HDHD5: variants seen among roughly 807,000 people sequenced by gnomAD.
The protein encoded by HDHD5 is haloacid dehalogenase like hydrolase domain containing 5, also known as haloacid dehalogenase-like hydrolase domain-containing 5.
Under a neutral mutation model 35.5 loss-of-function variants are expected in HDHD5, and 34 were observed. The observed-to-expected ratio is 0.96, with a 90% CI of 0.73 to 1.28. HDHD5 has a LOEUF of 1.28. Ranked by LOEUF, HDHD5 falls within the 50% of genes most tolerant of loss-of-function variation. The pLI is 0.00. For missense variants in HDHD5, 589 were observed against 560.2 expected (o/e 1.05, Z -0.52); for synonymous variants, 248 against 240.6 (o/e 1.03, Z -0.29).
chr22:17,146,383 CGGCCTTCG>C (rs2061662920), intron 3 of HDHD5, among the ~76,000 whole-genome samples: 2 of 142,616 alleles, frequency 1.4e-5, no homozygotes, highest in African/African-American at 5.3e-5. Flanking sequence ...GTGAGCTTAC[CGGCCTTCG>C]ATCACACGCC....
At chr22:17,148,819 C>T (rs557103791) in intron 2 of HDHD5, among the ~76,000 whole-genome samples, 21 of 152,312 alleles carry the variant, frequency 1.4e-4, no homozygotes, top group African/African-American at 4.6e-4. Context: ...CTTGCCACCG[C>T]TACCCCGTCA....
At chr22:17,161,229 G>C (rs1002101704), upstream of HDHD5, among the ~76,000 whole-genome samples, 26 of 133,058 alleles carry the variant, frequency 2.0e-4, no homozygotes, top group African/African-American at 7.2e-4. Flanking sequence ...CTGGGCAACA[G>C]AGTGAGACTC....
chr22:17,155,462 G>C (rs1271068321), intron 1 of HDHD5, among the ~76,000 whole-genome samples: 1 of 152,026 alleles, frequency 6.6e-6, no homozygotes, highest in Non-Finnish European at 1.5e-5. Flanking sequence ...GGCCAGGCTG[G>C]TCTCAAACTC....
chr22:17,148,733 G>T (rs1168607541), intron 2 of HDHD5, among the ~76,000 whole-genome samples, 173 bp from the exon 3 acceptor site: 1 of 152,190 alleles, frequency 6.6e-6, no homozygotes, highest in East Asian at 1.9e-4. Flanking sequence ...CACCCAAACA[G>T]ATCTGAGAAG....
At chr22:17,148,623 G>A in intron 2 of HDHD5, 63 bp from the exon 3 acceptor site, 1 of 1,266,294 alleles carries the variant, frequency 7.9e-7, no homozygotes. Flanking sequence ...GAAATAATGA[G>A]ACAGGTGGCA....
At chr22:17,140,107 C>A (rs1433055043) in intron 6 of HDHD5, among the ~76,000 whole-genome samples, 1 of 152,208 alleles carries the variant, frequency 6.6e-6, no homozygotes, top group African/African-American at 2.4e-5. Flanking sequence ...CTCTCTGGGA[C>A]TACTGAGACG....
At chr22:17,164,135 C>T (rs551293809), upstream of HDHD5, among the ~76,000 whole-genome samples, 9 of 150,060 alleles carry the variant, frequency 6.0e-5, no homozygotes, top group South Asian at 1.7e-3. Context: ...GCTGGGGAAT[C>T]GCTTGAATCC....
chr22:17,164,077 T>TG (rs2061878116), upstream of HDHD5, among the ~76,000 whole-genome samples: 1 of 152,142 alleles, frequency 6.6e-6, no homozygotes, highest in Non-Finnish European at 1.5e-5. Flanking sequence ...GAAAATTAGC[T>TG]GGGCATGGTG....
chr22:17,153,491 C>A (rs116468385), intron 1 of HDHD5, among the ~76,000 whole-genome samples: 2,213 of 152,274 alleles, frequency 0.015, 50 homozygotes, highest in African/African-American at 0.05. Flanking sequence ...CACTCATGTA[C>A]CCTCAAGGAT....
chr22:17,157,074 T>TCACACACACACACACACA (rs1388907001), intron 1 of HDHD5, among the ~76,000 whole-genome samples: 7 of 52,778 alleles, frequency 1.3e-4, no homozygotes, highest in African/African-American at 1.9e-4. Context: ...CTAGACACCG[T>TCACACACACACACACACA]CTCACACACA....
chr22:17,141,356 G>A (rs2061599799), intron 5 of HDHD5, 123 bp from the exon 6 acceptor site: 2 of 1,430,418 alleles, frequency 1.4e-6, no homozygotes, highest in Admixed American at 3.5e-5. Flanking sequence ...GCTGGGCAGG[G>A]GCACAGCTCC....
chr22:17,151,456 G>A (rs2061723644), intron 1 of HDHD5, among the ~76,000 whole-genome samples: 2 of 152,218 alleles, frequency 1.3e-5, no homozygotes, highest in African/African-American at 4.8e-5. Flanking sequence ...CAGGCCAGGT[G>A]TGGTGGCTCA....
At chr22:17,144,713 C>A (rs1174277185) in intron 4 of HDHD5, among the ~76,000 whole-genome samples, 1 of 151,790 alleles carries the variant, frequency 6.6e-6, no homozygotes, top group Non-Finnish European at 1.5e-5. Flanking sequence ...CATGCCTGGA[C>A]AATTTTTTAA....
At chr22:17,151,969 T>C (rs1223485207) in intron 1 of HDHD5, among the ~76,000 whole-genome samples, 1 of 152,152 alleles carries the variant, frequency 6.6e-6, no homozygotes, top group Non-Finnish European at 1.5e-5. Context: ...ATGAAAGTGT[T>C]AAATACATCC....
In HDHD5 at chr22:17,137,644, T is replaced by TA; in HGVS notation, c.*376_*377insT. 1 of 196,224 alleles carries TA rather than the reference T, an allele frequency of 5.1e-6. No individual in the cohort carries two copies. The highest frequency in any genetic ancestry group is 1.0e-5 in the Non-Finnish European group (1 of 96,920). 12.2% of individuals were successfully genotyped at this position (196,224 alleles called of 1,614,324 possible). On this transcript the variant is annotated 3_prime_UTR_variant, in exon 8 of 8. Coordinates refer to ENST00000336737, the MANE Select transcript of HDHD5 (RefSeq NM_033070.3). ...TAAGACACTCTGCCGACAGGCTGCATGCCTTCAGTGCCGGCAAAGGCTCTG... is the reference window on the plus strand; with the variant it reads ...TAAGACACTCTGCCGACAGGCTGCATAGCCTTCAGTGCCGGCAAAGGCTCTG...
chr22:17,159,393 A>C (rs531655799), upstream of HDHD5: 5 of 957,638 alleles, frequency 5.2e-6, no homozygotes, highest in East Asian at 6.2e-5. Context: ...TCGGGCGCCT[A>C]TGGAACTCGA....
intron 1 of HDHD5, among the ~76,000 whole-genome samples, chr22:17,158,122 A>G (rs1221094673): frequency 6.6e-6 from 1 of 152,164 alleles, no homozygotes; most frequent in Non-Finnish European, 1.5e-5. Context: ...AAAGTTCGAG[A>G]CCAGCCTGGC....
At position 17,137,579 on chromosome 22, in the gene HDHD5, G is replaced by A. The variant is rs2061548184; in HGVS notation, c.*442C>T. 1 of 156,898 alleles carries A rather than the reference G, an allele frequency of 6.4e-6. No homozygotes were observed. The highest frequency in any genetic ancestry group is 3.3e-3 in the Middle Eastern group (1 of 302). 9.7% of individuals were successfully genotyped at this position (156,898 alleles called of 1,614,324 possible). A position where few individuals can be genotyped will look rare whatever the true frequency, so the allele number is the denominator to read the frequency against. On this transcript the variant is annotated 3_prime_UTR_variant, in exon 8 of 8. Coordinates refer to ENST00000336737, the MANE Select transcript of HDHD5 (RefSeq NM_033070.3). Reference sequence around the variant, plus strand: ...TTAAAAAAAAAGCCCCACATCTCCGGGCAATAAACTACAATACAGTAAAAA... The same window carrying A: ...TTAAAAAAAAAGCCCCACATCTCCGAGCAATAAACTACAATACAGTAAAAA...
chr22:17,159,263 C>T lies in HDHD5; in HGVS notation c.-12G>A. The T allele has an allele frequency of 3.2e-6, 4 of 1,243,934 alleles. No individual in the cohort carries two copies. Among genetic ancestry groups the T allele is most frequent in the Non-Finnish European group, 4.0e-6 (4 of 992,082 alleles). The allele number at this position is 1,243,934 out of a possible 1,614,324, so 77.1% of individuals were successfully genotyped here. ...CCCCACGCAGCCATCCGGCCGTCGC[C>T]GTGCGCACGTGCACGGCGTGCGGCC... On this transcript the variant is annotated 5_prime_UTR_variant, in exon 1 of 8. Coordinates refer to ENST00000336737, the MANE Select transcript of HDHD5 (RefSeq NM_033070.3).
Sources: allele counts gnomAD v4.1 joint callset (sites outside exome capture counted in the v4.1 genomes callset), GRCh38; gene constraint gnomAD v4.1.1; transcripts MANE v1.5; gene names NCBI Gene and HGNC (gene_info 2026-07-23, HGNC 2026-07-21).